Variants in ALG14 observed in about 807,000 individuals in gnomAD.
ALG14 encodes ALG14 UDP-N-acetylglucosaminyltransferase subunit, also known as UDP-N-acetylglucosamine transferase subunit ALG14.
Under a neutral mutation model 22.8 loss-of-function variants are expected in ALG14, and 17 were observed. That is an observed-to-expected ratio of 0.75 (90% CI 0.51 to 1.12). The LOEUF (loss-of-function observed/expected upper bound fraction) is 1.12. ALG14 is among the 50% of genes most tolerant of loss of function. The pLI is 0.00. For synonymous variants in ALG14, 89 were observed against 103.7 expected, an observed-to-expected ratio of 0.86 and a Z score of 0.86; for missense variants, 288 against 271.8, an observed-to-expected ratio of 1.06 and a Z score of -0.42.
intron 3 of ALG14, among the ~76,000 whole-genome samples, chr1:95,008,116 G>C (rs1429878821): frequency 1.3e-5 from 2 of 152,002 alleles, no homozygotes; most frequent in African/African-American, 4.8e-5. Flanking sequence ...TGTTATTCTG[G>C]TGGAGCTGTC....
At chr1:94,991,108 C>T (rs1230511179) in intron 3 of ALG14, among the ~76,000 whole-genome samples, 1 of 152,230 alleles carries the variant, frequency 6.6e-6, no homozygotes, top group African/African-American at 2.4e-5. Flanking sequence ...TTTCCCCTGT[C>T]ATGAATTCAT....
At chr1:95,039,640 A>G (rs1674319455) in intron 2 of ALG14, among the ~76,000 whole-genome samples, 1 of 152,234 alleles carries the variant, frequency 6.6e-6, no homozygotes, top group African/African-American at 2.4e-5. Context: ...AGTATAAAAT[A>G]TATCAATATT....
chr1:95,070,001 A>G (rs1348307252), intron 1 of ALG14, among the ~76,000 whole-genome samples: 1 of 152,160 alleles, frequency 6.6e-6, no homozygotes, highest in African/African-American at 2.4e-5. Flanking sequence ...GGAGTTCAAG[A>G]CCAGTCTGGC....
At position 94,983,015 on chromosome 1, in the gene ALG14, C is replaced by T; in HGVS notation, c.*61G>A. ...CAAGAAACATGTAGGGTTTTTTTCC[C>T]CCCAATTTGAGTACATACTACTGTT... On this transcript the variant is annotated 3_prime_UTR_variant, in exon 4 of 4. Transcript: ENST00000370205. The T allele has an allele frequency of 7.0e-7, 1 of 1,426,298 alleles. No individual in the cohort carries two copies. 88.4% of individuals were successfully genotyped at this position (1,426,298 alleles called of 1,614,324 possible). A position where few individuals can be genotyped will look rare whatever the true frequency, so the allele number is the denominator to read the frequency against.
chr1:95,037,100 C>A (rs1383397449), intron 2 of ALG14, among the ~76,000 whole-genome samples: 1 of 152,146 alleles, frequency 6.6e-6, no homozygotes, highest in African/African-American at 2.4e-5. Context: ...GATTCTGGCT[C>A]AAAAGATTTT....
At chr1:95,010,929 A>G (rs1571602499) in intron 3 of ALG14, among the ~76,000 whole-genome samples, 2 of 152,254 alleles carry the variant, frequency 1.3e-5, no homozygotes, top group African/African-American at 4.8e-5. Context: ...AGCAGAAATA[A>G]GAACAACCAA....
intron 2 of ALG14, among the ~76,000 whole-genome samples, chr1:95,058,063 G>A (rs930160164): frequency 7.3e-5 from 11 of 151,580 alleles, no homozygotes; most frequent in Non-Finnish European, 1.3e-4. Flanking sequence ...TGAGGTGGGC[G>A]GATCATGAGG....
At position 94,977,906 on chromosome 1, in the gene ALG14, C is replaced by T. The variant is rs796977596; in HGVS notation, c.*5170G>A. 2.3e-4 allele frequency: 35 copies of T among 152,294 alleles called. No individual in the cohort carries two copies. Among genetic ancestry groups the T allele is most frequent in the African/African-American group, 8.2e-4 (34 of 41,552 alleles). The allele number at this position is 152,294 out of a possible 1,614,324, so 9.4% of individuals were successfully genotyped here. On this transcript the variant is annotated 3_prime_UTR_variant, in exon 4 of 4. Transcript: ENST00000370205. ...GCTCAGGTGATCCATCCACCTCGGCCTCCCAAAGTGCTGGGATTACAAGTG... is the reference window on the plus strand; with the variant it reads ...GCTCAGGTGATCCATCCACCTCGGCTTCCCAAAGTGCTGGGATTACAAGTG...
intron 2 of ALG14, among the ~76,000 whole-genome samples, chr1:95,060,090 C>G (rs1488626172): frequency 2.6e-5 from 4 of 151,654 alleles, no homozygotes; most frequent in Admixed American, 2.6e-4. Flanking sequence ...GCCTCTTTGT[C>G]TTTCTGTCCT....
intron 3 of ALG14, among the ~76,000 whole-genome samples, chr1:95,015,806 G>A (rs946765432): frequency 6.6e-6 from 1 of 152,166 alleles, no homozygotes; most frequent in African/African-American, 2.4e-5. Context: ...GGCTCACTGT[G>A]GCATGAAAAT....
Position 95,008,744 on chromosome 1 carries a change from T to TTG in ALG14, c.420+18383_420+18384dup, listed in dbSNP as rs567182595. 3.2e-3 allele frequency among the ~76,000 whole-genome samples: 482 copies of TTG among 152,290 alleles called. 1 individual carries two copies. Among genetic ancestry groups the TTG allele is most frequent in the African/African-American group, 0.011 (465 of 41,578 alleles). ...AGTGATGGTAAGCACATTTACAAGG[T>TTG]TGTAATTGTGCTATCCATTTCTAGA... is the stretch of plus-strand genomic sequence containing the variant. On this transcript the variant is annotated intron_variant, in intron 3 of 3. Transcript: ENST00000370205.
intron 3 of ALG14, among the ~76,000 whole-genome samples, chr1:94,984,446 G>T (rs751938006): frequency 1.3e-5 from 2 of 152,110 alleles, no homozygotes; most frequent in Non-Finnish European, 2.9e-5. Flanking sequence ...GTTTGAAAAA[G>T]GTCACCTGGT....
chr1:94,992,200 A>G (rs1013459408), intron 3 of ALG14, among the ~76,000 whole-genome samples: 1 of 152,210 alleles, frequency 6.6e-6, no homozygotes, highest in Admixed American at 6.5e-5. Flanking sequence ...TGCACTGTAC[A>G]TAATTATATG....
At chr1:95,020,474 C>T (rs1673630362) in intron 3 of ALG14, among the ~76,000 whole-genome samples, 2 of 151,526 alleles carry the variant, frequency 1.3e-5, no homozygotes. Flanking sequence ...CGCAGTGGCT[C>T]ACTCCTGTAA....
intron 2 of ALG14, among the ~76,000 whole-genome samples, chr1:95,045,431 G>C (rs1382578546): frequency 6.6e-6 from 1 of 152,032 alleles, no homozygotes; most frequent in African/African-American, 2.4e-5. Flanking sequence ...GACAATGTTG[G>C]AATAATAGGT....
intron 2 of ALG14, among the ~76,000 whole-genome samples, chr1:95,052,925 A>G (rs1016998822): frequency 3.9e-5 from 6 of 152,118 alleles, no homozygotes; most frequent in African/African-American, 1.2e-4. Flanking sequence ...TGAAAGGAGA[A>G]GCGGGGAATA....
chr1:94,987,299 T>A (rs1304841859), intron 3 of ALG14, among the ~76,000 whole-genome samples: 1 of 151,778 alleles, frequency 6.6e-6, no homozygotes, highest in African/African-American at 2.4e-5. Context: ...TTTCTGTCAC[T>A]GGCAATAGAA....
At chr1:95,035,035 A>G (rs1289496917) in intron 2 of ALG14, among the ~76,000 whole-genome samples, 1 of 152,172 alleles carries the variant, frequency 6.6e-6, no homozygotes, top group East Asian at 1.9e-4. Context: ...AAAAATCAAA[A>G]TAAGAACACA....
intron 2 of ALG14, among the ~76,000 whole-genome samples, chr1:95,045,605 T>C (rs1382917341): frequency 6.6e-6 from 1 of 151,910 alleles, no homozygotes; most frequent in African/African-American, 2.4e-5. Context: ...AATTGTATAG[T>C]ATTAGCATAC....
Sources: allele counts gnomAD v4.1 joint callset (sites outside exome capture counted in the v4.1 genomes callset), GRCh38; gene constraint gnomAD v4.1.1; transcripts MANE v1.5; gene names NCBI Gene and HGNC (gene_info 2026-07-23, HGNC 2026-07-21).